Variants in B3GNT5 observed in about 807,000 individuals in gnomAD.
B3GNT5 encodes the protein UDP-GlcNAc:betaGal beta-1,3-N-acetylglucosaminyltransferase 5.
In B3GNT5, 11 loss-of-function variants were observed where a neutral mutation model predicts 25.9. The observed-to-expected ratio is 0.42, with a 90% CI of 0.27 to 0.70. The LOEUF (loss-of-function observed/expected upper bound fraction) is 0.70, where lower values mean the gene tolerates loss of function less well. B3GNT5 is among the 30% of genes least tolerant of loss of function. The probability of loss-of-function intolerance (pLI) is 0.23; values close to 1 mark genes in which losing one functional copy is unlikely to be tolerated. For missense variants in B3GNT5, 385 were observed against 458.4 expected (o/e 0.84, Z 1.46); for synonymous variants, 166 against 158.6 (o/e 1.05, Z -0.35).
intron 1 of B3GNT5, chr3:183,254,498 G>A (rs1560371680): frequency 6.6e-6 from 1 of 152,146 alleles, no homozygotes; most frequent in Non-Finnish European, 1.5e-5. Flanking sequence ...CCGCCCAGGT[G>A]CGGCAGGTAG....
intron 1 of B3GNT5, among the ~76,000 whole-genome samples, chr3:183,257,414 C>T (rs71314295): frequency 6.6e-6 from 1 of 152,306 alleles, no homozygotes; most frequent in South Asian, 2.1e-4. Context: ...TTTTTAGCAT[C>T]CTATCCTGCC....
chr3:183,256,878 G>A (rs184836278), intron 1 of B3GNT5, among the ~76,000 whole-genome samples: 1 of 152,036 alleles, frequency 6.6e-6, no homozygotes, highest in African/African-American at 2.4e-5. Flanking sequence ...GGAATAATGG[G>A]GAACATGAGA....
chr3:183,258,788 A>G (rs1725317068), intron 1 of B3GNT5, among the ~76,000 whole-genome samples: 1 of 152,074 alleles, frequency 6.6e-6, no homozygotes, highest in African/African-American at 2.4e-5. Context: ...TGTCCAGGCT[A>G]GAGTGCAGAG....
chr3:183,266,594 CTG>C (rs1173982320), intron 1 of B3GNT5, among the ~76,000 whole-genome samples: 1 of 152,166 alleles, frequency 6.6e-6, no homozygotes, highest in Non-Finnish European at 1.5e-5. Flanking sequence ...TGTGGAAAGA[CTG>C]AGAGAGCAAC....
chr3:183,269,872 T>C lies in B3GNT5; in HGVS notation c.74T>C (p.Leu25Ser). The part of the protein sequence containing the change: ...LIIQLFATCF[L>S]ASLMFFWEPI... ...ATTCAGTTATTTGCTACTTGTTTTT[T>C]AGCGAGCCTCATGTTTTTTTGGGAA... The change falls in exon 2 of 2, where the codon TTA becomes TCA. Residue 25 changes from leucine to serine, a missense_variant. Leu to Ser is a moderately radical substitution (Grantham distance 145, BLOSUM62 -2). Coordinates refer to ENST00000326505, the MANE Select transcript of B3GNT5 (RefSeq NM_032047.5). 1.2e-6 allele frequency: 2 copies of C among 1,614,028 alleles called. No homozygotes were observed. The highest frequency in any genetic ancestry group is 1.7e-6 in the Non-Finnish European group (2 of 1,179,994).
intron 1 of B3GNT5, among the ~76,000 whole-genome samples, chr3:183,254,454 CG>C (rs1461533359): frequency 6.6e-6 from 1 of 151,962 alleles, no homozygotes; most frequent in Non-Finnish European, 1.5e-5. Flanking sequence ...CCTGCCCGCG[CG>C]GGTGGCCAGC....
At chr3:183,262,524 G>A (rs1725707661) in intron 1 of B3GNT5, among the ~76,000 whole-genome samples, 1 of 151,902 alleles carries the variant, frequency 6.6e-6, no homozygotes, top group East Asian at 1.9e-4. Context: ...CCCTTAAATT[G>A]TGCACCTAAA....
intron 1 of B3GNT5, chr3:183,253,891 C>T (rs1229426664): frequency 6.6e-6 from 1 of 152,292 alleles, no homozygotes; most frequent in Non-Finnish European, 1.5e-5. Flanking sequence ...CGAGGCCTCT[C>T]TGGGTGGGAG....
At position 183,269,998 on chromosome 3, in the gene B3GNT5, C is replaced by T. The variant is rs755733579; in HGVS notation, c.200C>T (p.Thr67Ile). The change falls in exon 2 of 2, where the codon ACC (threonine) becomes ATC (isoleucine). Residue 67 changes from threonine (T) to isoleucine (I), a missense_variant. By Grantham distance (89) the Thr-to-Ile change is moderately conservative. Transcript: ENST00000326505. ...FVNDTLSLKH[T>I]SAGPRYQYLI... Reference sequence around the variant, plus strand: ...AATGATACCCTGTCTCTTAAGCACACCTCAGCGGGGCCTCGCTACCAATAC... The same window carrying T: ...AATGATACCCTGTCTCTTAAGCACATCTCAGCGGGGCCTCGCTACCAATAC... 2 of 1,614,100 alleles carry T rather than the reference C, an allele frequency of 1.2e-6. No individual in the cohort carries two copies. The highest frequency in any genetic ancestry group is 1.1e-5 in the South Asian group (1 of 91,072).
At chr3:183,266,046 G>A (rs760587444) in intron 1 of B3GNT5, 2 of 152,158 alleles carry the variant, frequency 1.3e-5, no homozygotes, top group Non-Finnish European at 2.9e-5. Flanking sequence ...CATGTTGAGG[G>A]TGGGGACAAA....
Position 183,270,033 on chromosome 3 carries a change from CA to C in B3GNT5, c.236del (p.His79ProfsTer16). 1 of 1,614,048 alleles carries C rather than the reference CA, an allele frequency of 6.2e-7. No individual in the cohort carries two copies. The highest frequency in any genetic ancestry group is 1.1e-5 in the South Asian group (1 of 91,076). On this transcript the variant is annotated frameshift_variant, in exon 2 of 2. Coordinates refer to ENST00000326505, the MANE Select transcript of B3GNT5 (RefSeq NM_032047.5). LOFTEE classifies it high-confidence loss of function. This position sits in a 1 kb window ranked among gnomAD's most constrained non-coding sequence, Gnocchi z 4.5. Reference protein sequence around the residue: ...AGPRYQYLINHKEKCQAQDVL... With the variant: ...AGPRYQYLINXKEKCQAQDVL... ...GCCTCGCTACCAATACTTGATTAAC[CA>C]CAAGGAAAAGTGTCAAGCTCAAGAC...
chr3:183,263,544 T>C (rs1725814958), intron 1 of B3GNT5, among the ~76,000 whole-genome samples: 1 of 149,388 alleles, frequency 6.7e-6, no homozygotes, highest in South Asian at 2.1e-4. Flanking sequence ...TTTCTCTCCT[T>C]CTCCGGAGTT....
chr3:183,255,394 A>G (rs1172168220), intron 1 of B3GNT5, among the ~76,000 whole-genome samples: 6 of 152,242 alleles, frequency 3.9e-5, no homozygotes, highest in Non-Finnish European at 8.8e-5. Context: ...CTTTGCTTTT[A>G]AAGCAAGCTA....
Position 183,271,951 on chromosome 3 carries a change from T to A in B3GNT5, c.*1016T>A, listed in dbSNP as rs1726816347. 2 of 185,674 alleles carry A rather than the reference T, an allele frequency of 1.1e-5. No homozygotes were observed. The highest frequency in any genetic ancestry group is 1.3e-4 in the Admixed American group (2 of 15,310). 11.5% of individuals were successfully genotyped at this position (185,674 alleles called of 1,614,324 possible). ...ATTAACCCACTCCTCCCCAACAAGG[T>A]CTTATAAACCACAGCACTTTGTTCC... is the stretch of plus-strand genomic sequence containing the variant. On this transcript the variant is annotated 3_prime_UTR_variant, in exon 2 of 2. Transcript: ENST00000326505.
Position 183,258,708 on chromosome 3 carries a change from T to G in B3GNT5, c.-302+5236T>G, listed in dbSNP as rs562328605. Among the ~76,000 whole-genome samples the G allele has an allele frequency of 2.0e-5, 3 of 152,286 alleles. No individual in the cohort carries two copies. The South Asian group carries it at 6.2e-4, about 32-fold the overall frequency. ...ATAAAATGGTACAGCATTTATATTATAACCTATGCAATATTCCCATGTACT... is the reference window on the plus strand; with the variant it reads ...ATAAAATGGTACAGCATTTATATTAGAACCTATGCAATATTCCCATGTACT... On this transcript the variant is annotated intron_variant, in intron 1 of 1. Coordinates refer to ENST00000326505, the MANE Select transcript of B3GNT5 (RefSeq NM_032047.5).
rs954194208 is a variant in B3GNT5 at position 183,267,455 on chromosome 3, G to T, written c.-301-2043G>T. On this transcript the variant is annotated intron_variant, in intron 1 of 1. Transcript: ENST00000326505. The surrounding 1 kb of genome is among the most constrained non-coding windows in gnomAD (Gnocchi z 5.5). The stretch of plus-strand genomic sequence containing the variant: ...CGAAAGCTCTGAAGTGGGGATGGAG[G>T]TGTCACAGCTGAGGCTAGGCCCATT... 1.3e-5 allele frequency among the ~76,000 whole-genome samples: 2 copies of T among 152,234 alleles called. No homozygotes were observed. The highest frequency in any genetic ancestry group is 2.9e-5 in the Non-Finnish European group (2 of 68,048).
intron 1 of B3GNT5, chr3:183,266,150 A>G (rs1726094939): frequency 6.6e-6 from 1 of 152,232 alleles, no homozygotes; most frequent in African/African-American, 2.4e-5. Flanking sequence ...GATTCACTGG[A>G]GAGATACTAG....
In B3GNT5 at chr3:183,267,252, G is replaced by A. The variant is rs540570968; in HGVS notation, c.-301-2246G>A. On this transcript the variant is annotated intron_variant, in intron 1 of 1. Coordinates refer to ENST00000326505, the MANE Select transcript of B3GNT5 (RefSeq NM_032047.5). This position sits in a 1 kb window ranked among gnomAD's most constrained non-coding sequence, Gnocchi z 5.5. ...CTGGTTGTGGCTTCCTAAGTGGTGC[G>A]TGCAGTTTTCAAATCAATGCCCTTG... is the stretch of plus-strand genomic sequence containing the variant. 1.3e-5 allele frequency among the ~76,000 whole-genome samples: 2 copies of A among 152,112 alleles called. No individual in the cohort carries two copies. Among genetic ancestry groups the A allele is most frequent in the Non-Finnish European group, 2.9e-5 (2 of 68,026 alleles).
At chr3:183,255,451 C>T (rs1050110017) in intron 1 of B3GNT5, among the ~76,000 whole-genome samples, 3 of 152,204 alleles carry the variant, frequency 2.0e-5, no homozygotes, top group Non-Finnish European at 4.4e-5. Context: ...CCTGCTTGTC[C>T]TTCTCACTCT....
Sources: allele counts gnomAD v4.1 joint callset (sites outside exome capture counted in the v4.1 genomes callset), GRCh38; gene constraint gnomAD v4.1.1; non-coding constraint Gnocchi (gnomAD v3.1); transcripts MANE v1.5; gene names NCBI Gene and HGNC (gene_info 2026-07-23, HGNC 2026-07-21).